The following PCTP variants were observed in gnomAD, a reference collection of about 807,000 sequenced individuals.
PCTP encodes the protein START domain-containing protein 2.
PCTP carries 27 observed loss-of-function variants against 31.0 expected under a neutral mutation model. That is an observed-to-expected ratio of 0.87 (90% CI 0.64 to 1.20). The LOEUF (loss-of-function observed/expected upper bound fraction) is 1.20, where lower values mean the gene tolerates loss of function less well. PCTP is among the 50% of genes most tolerant of loss of function. PCTP has a pLI of 0.00. For synonymous variants in PCTP, 108 were observed against 101.2 expected, an observed-to-expected ratio of 1.07 and a Z score of -0.40; for missense variants, 287 against 268.2, an observed-to-expected ratio of 1.07 and a Z score of -0.49.
chr17:55,830,795 G>A (rs952964880), intron 5 of PCTP, among the ~76,000 whole-genome samples: 1 of 152,192 alleles, frequency 6.6e-6, no homozygotes, highest in Non-Finnish European at 1.5e-5. Flanking sequence ...GATGGAGGTT[G>A]CCATGATGAA....
At chr17:55,811,196 T>TA (rs1352663882) in intron 3 of PCTP, among the ~76,000 whole-genome samples, 1 of 152,220 alleles carries the variant, frequency 6.6e-6, no homozygotes, top group Non-Finnish European at 1.5e-5. Flanking sequence ...TTTCCTTTGT[T>TA]ACATACAAAG....
intron 5 of PCTP, among the ~76,000 whole-genome samples, chr17:55,841,752 A>G (rs1351522278): frequency 6.6e-6 from 1 of 152,202 alleles, no homozygotes; most frequent in African/African-American, 2.4e-5. Context: ...TCCACAAGGA[A>G]TTTTTAGATT....
chr17:55,786,269 G>A (rs1032481705), intron 2 of PCTP, among the ~76,000 whole-genome samples: 22 of 152,208 alleles, frequency 1.4e-4, no homozygotes, highest in African/African-American at 5.1e-4. Context: ...AGGCGACAGA[G>A]CAAGACTCTG....
intron 5 of PCTP, among the ~76,000 whole-genome samples, chr17:55,834,210 T>G (rs535695023): frequency 1.3e-5 from 2 of 152,350 alleles, no homozygotes; most frequent in East Asian, 3.9e-4. Flanking sequence ...TTTTAAATTT[T>G]AAGTTCTGAG....
At chr17:55,829,730 A>T (rs1905533997) in intron 5 of PCTP, among the ~76,000 whole-genome samples, 1 of 150,418 alleles carries the variant, frequency 6.6e-6, no homozygotes, top group Admixed American at 6.6e-5. Flanking sequence ...ACCCTCTACA[A>T]GCTTGTAAAA....
At chr17:55,760,584 A>T (rs1224455278) in intron 1 of PCTP, among the ~76,000 whole-genome samples, 2 of 152,314 alleles carry the variant, frequency 1.3e-5, no homozygotes, top group East Asian at 1.9e-4. Flanking sequence ...GATTTATGAG[A>T]CAGCACTTTG....
intron 1 of PCTP, among the ~76,000 whole-genome samples, chr17:55,761,692 A>C (rs1910350004): frequency 1.3e-5 from 2 of 151,008 alleles, no homozygotes; most frequent in Non-Finnish European, 2.9e-5. Flanking sequence ...ATAACATGGC[A>C]TGTAGGGTCT....
intron 3 of PCTP, among the ~76,000 whole-genome samples, chr17:55,814,505 C>T (rs1330245689): frequency 1.3e-5 from 2 of 152,200 alleles, no homozygotes; most frequent in Non-Finnish European, 2.9e-5. Flanking sequence ...CAAGGCTGAA[C>T]AAGGTCGGGG....
the PCTP span, among the ~76,000 whole-genome samples, chr17:55,851,343 A>G: frequency 6.6e-6 from 1 of 152,134 alleles, no homozygotes; most frequent in Admixed American, 6.5e-5. Flanking sequence ...AAGATTTTTT[A>G]GAATATTTCT....
intron 3 of PCTP, among the ~76,000 whole-genome samples, chr17:55,804,339 T>C (rs1391103353): frequency 2.0e-5 from 3 of 152,206 alleles, no homozygotes; most frequent in Non-Finnish European, 4.4e-5. Flanking sequence ...AGAAATGCCA[T>C]TTGATCCAGC....
downstream of PCTP, among the ~76,000 whole-genome samples, chr17:55,846,083 C>T (rs1906144667): frequency 6.6e-6 from 1 of 152,078 alleles, no homozygotes; most frequent in African/African-American, 2.4e-5. Flanking sequence ...AGGTCTCCTG[C>T]ATCTCTGACA....
At chr17:55,811,747 G>A (rs1285654763) in intron 3 of PCTP, among the ~76,000 whole-genome samples, 2 of 152,234 alleles carry the variant, frequency 1.3e-5, no homozygotes, top group Non-Finnish European at 2.9e-5. Context: ...ATTCAGTTGT[G>A]AAAATTCTGC....
At chr17:55,817,265 C>T (rs1036041354) in intron 3 of PCTP, among the ~76,000 whole-genome samples, 3 of 152,178 alleles carry the variant, frequency 2.0e-5, no homozygotes, top group African/African-American at 4.8e-5. Flanking sequence ...TGGGTATTGT[C>T]ATCCTGGACC....
intron 3 of PCTP, among the ~76,000 whole-genome samples, chr17:55,811,314 C>T (rs538961770): frequency 5.9e-5 from 9 of 152,322 alleles, no homozygotes; most frequent in Admixed American, 3.9e-4. Flanking sequence ...ATAGCAAACA[C>T]ATATCTAGCA....
At chr17:55,837,345 C>T (rs780366570) in intron 5 of PCTP, among the ~76,000 whole-genome samples, 4 of 152,108 alleles carry the variant, frequency 2.6e-5, no homozygotes, top group Admixed American at 6.5e-5. Flanking sequence ...GAGACAAGAA[C>T]GTGTGCACTA....
chr17:55,845,438 G>T (rs1001453319), downstream of PCTP, among the ~76,000 whole-genome samples: 5 of 152,116 alleles, frequency 3.3e-5, no homozygotes, highest in Admixed American at 6.6e-5. Context: ...CTCCCAGGAC[G>T]GCGTCCGCGG....
At chr17:55,851,680 G>A in the PCTP span, among the ~76,000 whole-genome samples, 2 of 152,268 alleles carry the variant, frequency 1.3e-5, no homozygotes, top group East Asian at 3.9e-4. Flanking sequence ...AAGATGAAGG[G>A]ACTTATTGGG....
At chr17:55,838,488 G>A (rs1905849041) in intron 5 of PCTP, among the ~76,000 whole-genome samples, 1 of 152,174 alleles carries the variant, frequency 6.6e-6, no homozygotes, top group African/African-American at 2.4e-5. Flanking sequence ...TTAGCTCCAT[G>A]TTCGTGCTTG....
chr17:55,831,973 G>A (rs1905611924), intron 5 of PCTP, among the ~76,000 whole-genome samples: 1 of 152,112 alleles, frequency 6.6e-6, no homozygotes, highest in African/African-American at 2.4e-5. Context: ...CTACTTGGAG[G>A]CTGAGGCAAG....
Sources: gnomAD v4.1 joint callset for allele counts (sites outside exome capture counted in the v4.1 genomes callset) on GRCh38, gnomAD v4.1.1 for gene constraint, MANE v1.5 for transcripts, NCBI Gene and HGNC (gene_info 2026-07-23, HGNC 2026-07-21) for gene names.